Variants in GLG1 observed in about 807,000 individuals in gnomAD.
GLG1 encodes the protein golgi glycoprotein 1, also known as Golgi apparatus protein 1.
GLG1 carries 38 observed loss-of-function variants against 160.5 expected under a neutral mutation model. The ratio of observed to expected loss-of-function variants is 0.24; its 90% CI spans 0.18 to 0.31. GLG1 has a LOEUF of 0.31. Ranked by LOEUF, GLG1 falls within the 10% of genes least tolerant of loss-of-function variation. GLG1 has a pLI of 1.00. For missense variants in GLG1, 1,373 were observed against 1,505.2 expected, an observed-to-expected ratio of 0.91 and a Z score of 1.45; for synonymous variants, 644 against 543.4, an observed-to-expected ratio of 1.19 and a Z score of -2.57.
At chr16:74,549,655 T>C (rs1237072073) in intron 1 of GLG1, among the ~76,000 whole-genome samples, 1 of 152,172 alleles carries the variant, frequency 6.6e-6, no homozygotes, top group Non-Finnish European at 1.5e-5. Context: ...TTGCTCCAAG[T>C]ATGACTAGAC....
chr16:74,596,678 G>A (rs1958310253), intron 1 of GLG1, among the ~76,000 whole-genome samples: 1 of 152,356 alleles, frequency 6.6e-6, no homozygotes, highest in African/African-American at 2.4e-5. Context: ...ACAGTAGACA[G>A]TGCAGTCCTA....
At position 74,465,688 on chromosome 16, in the gene GLG1, C is replaced by A; in HGVS notation, c.2655G>T (p.Lys885Asn). 1.2e-6 allele frequency: 2 copies of A among 1,613,848 alleles called. No individual in the cohort carries two copies. The highest frequency in any genetic ancestry group is 3.3e-4 in the Middle Eastern group (2 of 6,058). ...ELDYTLMRVC[K>N]QMIKRFCPEA... ...GTCGGCTTCTCACCTTTATCATCTG[C>A]TTGCAGACCCTCATGAGGGTGTAGT... Residue 885 changes from lysine to asparagine, a missense_variant, in exon 19 of 26, where the codon AAG becomes AAT. Transcript: ENST00000422840.
chr16:74,461,035 T>A (rs994913439), intron 22 of GLG1, among the ~76,000 whole-genome samples: 3 of 152,320 alleles, frequency 2.0e-5, no homozygotes, highest in African/African-American at 7.2e-5. Flanking sequence ...ATGAGTGAGC[T>A]TTTTTGTAAC....
Position 74,463,483 on chromosome 16 carries a change from C to A in GLG1, c.2668-4G>T, listed in dbSNP as rs2014880396. 3 of 1,613,758 alleles carry A rather than the reference C, an allele frequency of 1.9e-6. No individual in the cohort carries two copies. The East Asian group carries it at 6.7e-5, about 36-fold the overall frequency. On this transcript the variant is annotated splice_region_variant and splice_polypyrimidine_tract_variant and intron_variant, in intron 19 of 25. Transcript: ENST00000422840. ...AATCTGCTTCCGGACAGAACCTCTGCAAAGAAACAGTTTGATAAAAACAGC... is the reference window on the plus strand; with the variant it reads ...AATCTGCTTCCGGACAGAACCTCTGAAAAGAAACAGTTTGATAAAAACAGC...
chr16:74,592,533 T>A (rs540497063), intron 1 of GLG1, among the ~76,000 whole-genome samples: 1 of 152,248 alleles, frequency 6.6e-6, no homozygotes, highest in East Asian at 1.9e-4. Context: ...TTCACACTTC[T>A]CTTAAGGCAG....
chr16:74,452,074 C>T lies in GLG1; in HGVS notation c.*1093G>A. On this transcript the variant is annotated 3_prime_UTR_variant, in exon 26 of 26. Transcript: ENST00000422840. ...AGAAAGGTCAGGCTGGACTGCCTGT[C>T]ACATCCTGAGACCACACTAAACCTT... The T allele has an allele frequency of 6.2e-7, 1 of 1,613,518 alleles. No individual in the cohort carries two copies. Among genetic ancestry groups the T allele is most frequent in the Non-Finnish European group, 8.5e-7 (1 of 1,179,406 alleles).
chr16:74,605,964 A>G (rs1291326306), intron 1 of GLG1, among the ~76,000 whole-genome samples: 1 of 152,194 alleles, frequency 6.6e-6, no homozygotes, highest in Non-Finnish European at 1.5e-5. Flanking sequence ...CACACCAAGC[A>G]ACGACAAATG....
intron 8 of GLG1, among the ~76,000 whole-genome samples, chr16:74,486,277 A>G (rs932701649): frequency 5.9e-5 from 9 of 152,232 alleles, no homozygotes; most frequent in Non-Finnish European, 1.2e-4. Flanking sequence ...TTAAGTGGAA[A>G]AGAGTAAATA....
At chr16:74,471,086 G>C in intron 15 of GLG1, 87 bp downstream of exon 15, 1 of 804,140 alleles carries the variant, frequency 1.2e-6, no homozygotes, top group South Asian at 1.4e-5. Context: ...CAGAACATCA[G>C]AGGTGCTCTG....
intron 2 of GLG1, among the ~76,000 whole-genome samples, chr16:74,527,379 A>G (rs900266413): frequency 6.7e-6 from 1 of 150,070 alleles, no homozygotes; most frequent in Non-Finnish European, 1.5e-5. Flanking sequence ...CCTCCTGAGT[A>G]GCTGGGATTA....
At chr16:74,512,771 A>G (rs2016855579) in intron 2 of GLG1, among the ~76,000 whole-genome samples, 5 of 152,204 alleles carry the variant, frequency 3.3e-5, no homozygotes, top group Admixed American at 1.3e-4. Flanking sequence ...GAAAGGGAAT[A>G]AACAATAAAA....
intron 1 of GLG1, among the ~76,000 whole-genome samples, chr16:74,576,624 C>T (rs2019011849): frequency 6.6e-6 from 1 of 152,182 alleles, no homozygotes; most frequent in South Asian, 2.1e-4. Context: ...CCTTGGACTA[C>T]AGTTTGCCCA....
chr16:74,477,512 C>T lies in GLG1; in HGVS notation c.1849G>A (p.Glu617Lys). The T allele has an allele frequency of 1.2e-6, 2 of 1,613,566 alleles. No homozygotes were observed. Among genetic ancestry groups the T allele is most frequent in the Non-Finnish European group, 1.7e-6 (2 of 1,179,550 alleles). ...GRRLSRECRA[E>K]VQRILHQRAM... Reference sequence around the variant, plus strand: ...CGCTGGTGTAGGATCCTTTGGACTTCAGCTCGGCACTCCCGTGAGAGCTGC... The same window carrying T: ...CGCTGGTGTAGGATCCTTTGGACTTTAGCTCGGCACTCCCGTGAGAGCTGC... Residue 617 changes from glutamate (E) to lysine (K), a missense_variant, in exon 12 of 26, where the codon GAA becomes AAA. By Grantham distance (56) the Glu-to-Lys change is moderately conservative. Transcript: ENST00000422840.
At position 74,488,529 on chromosome 16, in the gene GLG1, G is replaced by C. The variant is rs546469805; in HGVS notation, c.1449+2472C>G. On this transcript the variant is annotated intron_variant, in intron 8 of 25. Coordinates refer to ENST00000422840, the MANE Select transcript of GLG1 (RefSeq NM_001145667.2). The stretch of plus-strand genomic sequence containing the variant: ...ATCATTTAGGCCTTCAATTTTTGTG[G>C]GCAAAAGCTAAAAACCCTGGGTCCA... 3.9e-3 allele frequency among the ~76,000 whole-genome samples: 592 copies of C among 152,030 alleles called. 6 individuals carry two copies. Among genetic ancestry groups the C allele is most frequent in the Non-Finnish European group, 5.6e-3 (379 of 67,982 alleles).
At chr16:74,458,104 A>G in intron 23 of GLG1, 110 bp from the exon 24 acceptor site, 1 of 1,039,592 alleles carries the variant, frequency 9.6e-7, no homozygotes, top group Non-Finnish European at 1.4e-6. Flanking sequence ...TTGAGGGCTA[A>G]CAACAGAGAC....
At chr16:74,457,022 T>G (rs1035648588) in intron 24 of GLG1, among the ~76,000 whole-genome samples, 3 of 152,162 alleles carry the variant, frequency 2.0e-5, no homozygotes, top group African/African-American at 7.2e-5. Flanking sequence ...TCCCAGATAC[T>G]TGGGAAGCTG....
intron 15 of GLG1, among the ~76,000 whole-genome samples, chr16:74,470,776 T>C (rs868090225): frequency 4.0e-5 from 6 of 149,952 alleles, no homozygotes; most frequent in Non-Finnish European, 8.9e-5. Context: ...GTTGTTGCTG[T>C]TGAGATGGAA....
At chr16:74,467,916 C>T (rs920021299) in intron 17 of GLG1, 68 bp from the exon 18 acceptor site, 40 of 1,038,024 alleles carry the variant, frequency 3.9e-5, no homozygotes, top group Non-Finnish European at 5.4e-5. Flanking sequence ...GTTCTGGAGA[C>T]TTATTTGTTG....
In GLG1 at chr16:74,577,342, T is replaced by G. The variant is rs1409555166; in HGVS notation, c.438+29315A>C. Reference sequence around the variant, plus strand: ...TTCGAGATCAGGCTGGTCAACATGGTGAAACCCCATCTCTACTAAAAATAC... The same window carrying G: ...TTCGAGATCAGGCTGGTCAACATGGGGAAACCCCATCTCTACTAAAAATAC... On this transcript the variant is annotated intron_variant, in intron 1 of 25. Transcript: ENST00000422840. Among the ~76,000 whole-genome samples, 11 of 152,024 alleles carry G rather than the reference T, an allele frequency of 7.2e-5. 1 individual carries two copies. The highest frequency in any genetic ancestry group is 6.6e-4 in the Admixed American group (10 of 15,256).
Sources: allele counts gnomAD v4.1 joint callset (sites outside exome capture counted in the v4.1 genomes callset), GRCh38; gene constraint gnomAD v4.1.1; transcripts MANE v1.5; gene names NCBI Gene and HGNC (gene_info 2026-07-23, HGNC 2026-07-21).